The following IMMP2L variants were observed in gnomAD, a reference collection of about 807,000 sequenced individuals.
The protein encoded by IMMP2L is inner mitochondrial membrane peptidase subunit 2.
In IMMP2L, 18 loss-of-function variants were observed where a neutral mutation model predicts 19.3. The observed-to-expected ratio is 0.93, with a 90% CI of 0.64 to 1.38. The LOEUF (loss-of-function observed/expected upper bound fraction) is 1.38, where lower values mean the gene tolerates loss of function less well. IMMP2L is among the 40% of genes most tolerant of loss of function. The pLI is 0.00. For missense variants in IMMP2L, 233 were observed against 218.2 expected (o/e 1.07, Z -0.43); for synonymous variants, 76 against 73.0 (o/e 1.04, Z -0.21).
intron 3 of IMMP2L, among the ~76,000 whole-genome samples, chr7:111,313,512 TATA>T (rs1304688538): frequency 6.6e-6 from 1 of 152,164 alleles, no homozygotes; most frequent in African/African-American, 2.4e-5. Context: ...TGTTTTATGG[TATA>T]ATAATAACTG....
chr7:111,221,376 T>C (rs1192697015), intron 3 of IMMP2L, among the ~76,000 whole-genome samples: 2 of 152,144 alleles, frequency 1.3e-5, no homozygotes, highest in African/African-American at 4.8e-5. Flanking sequence ...ACTGCCAAAA[T>C]AGAAAATTTT....
At chr7:110,991,806 CCA>C (rs961073876) in intron 3 of IMMP2L, among the ~76,000 whole-genome samples, 163 of 152,224 alleles carry the variant, frequency 1.1e-3, no homozygotes, top group African/African-American at 3.6e-3. Flanking sequence ...CACATGGTTT[CCA>C]CAATAACCGT....
intron 5 of IMMP2L, among the ~76,000 whole-genome samples, chr7:110,700,875 T>C (rs536900879): frequency 6.6e-6 from 1 of 152,350 alleles, no homozygotes; most frequent in East Asian, 1.9e-4. Context: ...GTATGTATAA[T>C]TTAATTTTGT....
intron 4 of IMMP2L, among the ~76,000 whole-genome samples, chr7:110,947,442 A>G (rs764172438): frequency 5.3e-5 from 8 of 152,198 alleles, no homozygotes; most frequent in Non-Finnish European, 1.0e-4. Context: ...TAGATTTAGA[A>G]TTCAGGCTTC....
chr7:111,181,585 C>A (rs1178668607), intron 3 of IMMP2L, among the ~76,000 whole-genome samples: 2 of 151,842 alleles, frequency 1.3e-5, no homozygotes, highest in Non-Finnish European at 2.9e-5. Context: ...ACTCAAATGA[C>A]CAATAAGAGG....
chr7:110,818,955 T>C (rs1343486408), intron 5 of IMMP2L, among the ~76,000 whole-genome samples: 1 of 105,760 alleles, frequency 9.5e-6, no homozygotes, highest in Non-Finnish European at 1.8e-5. Context: ...CTCTGGGGAC[T>C]GTTGTTGGGT....
At chr7:111,419,938 A>G (rs1835325686) in intron 3 of IMMP2L, among the ~76,000 whole-genome samples, 1 of 151,800 alleles carries the variant, frequency 6.6e-6, no homozygotes, top group Non-Finnish European at 1.5e-5. Flanking sequence ...AGTGTTACAT[A>G]GTTATTGCTT....
intron 3 of IMMP2L, among the ~76,000 whole-genome samples, chr7:111,073,944 T>G (rs1422994428): frequency 6.6e-6 from 1 of 152,242 alleles, no homozygotes; most frequent in Non-Finnish European, 1.5e-5. Flanking sequence ...GTCAGTCTTC[T>G]GTTCCTCTCT....
Position 110,887,213 on chromosome 7 carries a change from C to T in IMMP2L, c.306-518G>A, listed in dbSNP as rs1316034955. ...GGAAAGAACATAATCTGAATAACTT[C>T]TTGTTAGATACAAACTATCAGTATC... On this transcript the variant is annotated intron_variant, in intron 4 of 5. Transcript: ENST00000405709. Among the ~76,000 whole-genome samples the T allele has an allele frequency of 2.0e-5, 3 of 152,026 alleles. No individual in the cohort carries two copies. The South Asian group carries it at 6.2e-4, about 31-fold the overall frequency.
At chr7:111,030,794 G>A (rs368250186) in intron 3 of IMMP2L, among the ~76,000 whole-genome samples, 1 of 150,082 alleles carries the variant, frequency 6.7e-6, no homozygotes, top group African/African-American at 2.5e-5. Flanking sequence ...ATATATATGT[G>A]TATGTGTGTA....
At chr7:111,263,725 T>C (rs1208337983) in intron 3 of IMMP2L, among the ~76,000 whole-genome samples, 1 of 152,046 alleles carries the variant, frequency 6.6e-6, no homozygotes, top group Non-Finnish European at 1.5e-5. Flanking sequence ...GCTCTAATTA[T>C]TAGAGATCAG....
At chr7:111,045,074 A>G (rs1792265432) in intron 3 of IMMP2L, among the ~76,000 whole-genome samples, 1 of 152,242 alleles carries the variant, frequency 6.6e-6, no homozygotes, top group Non-Finnish European at 1.5e-5. Context: ...CCTGCTAGGC[A>G]AAACTGCTAA....
At chr7:111,467,533 T>C (rs899052922) in intron 3 of IMMP2L, among the ~76,000 whole-genome samples, 2 of 152,198 alleles carry the variant, frequency 1.3e-5, no homozygotes, top group African/African-American at 4.8e-5. Context: ...ATGGCTGGTA[T>C]GTATATTGAA....
rs1395742945 is a variant in IMMP2L, at chr7:110,711,926, A to G, written c.409-48205T>C. Among the ~76,000 whole-genome samples the G allele has an allele frequency of 2.0e-4, 6 of 29,572 alleles. 1 individual carries two copies. Among genetic ancestry groups the G allele is most frequent in the African/African-American group, 5.5e-4 (6 of 10,942 alleles). The allele number at this position is 29,572 out of a possible 152,430, so 19.4% of individuals were successfully genotyped here. A position where few individuals can be genotyped will look rare whatever the true frequency, so the allele number is the denominator to read the frequency against. ...ATACATTCTTCTAAATTTTTTTCAA[A>G]GTTTTCAACTTCTTTGCCTTTGGTT... On this transcript the variant is annotated intron_variant, in intron 5 of 5. Transcript: ENST00000405709.
At chr7:111,469,721 A>G (rs1841036875) in intron 3 of IMMP2L, among the ~76,000 whole-genome samples, 1 of 152,200 alleles carries the variant, frequency 6.6e-6, no homozygotes, top group African/African-American at 2.4e-5. Context: ...ACAAAAATTA[A>G]TTCAACATGG....
At chr7:111,368,715 C>T (rs1333217576) in intron 3 of IMMP2L, among the ~76,000 whole-genome samples, 3 of 151,864 alleles carry the variant, frequency 2.0e-5, no homozygotes, top group African/African-American at 4.8e-5. Flanking sequence ...GTAACAACAA[C>T]GACAAATCTG....
rs1394153159 is a variant in IMMP2L, at chr7:111,465,956, A to C, written c.239+21282T>G. ...TCCAAGAATGATAGACTGGATTAAG[A>C]AAATGTGGCACATATACACCATGGA... On this transcript the variant is annotated intron_variant, in intron 3 of 5. Transcript: ENST00000405709. Among the ~76,000 whole-genome samples, 6 of 152,312 alleles carry C rather than the reference A, an allele frequency of 3.9e-5. 1 individual carries two copies. The South Asian group carries it at 1.2e-3, about 32-fold the overall frequency.
chr7:111,111,914 A>G (rs967812628), intron 3 of IMMP2L, among the ~76,000 whole-genome samples: 20 of 110,970 alleles, frequency 1.8e-4, no homozygotes, highest in Admixed American at 8.1e-4. Context: ...TTATTTATAT[A>G]TTTTATTTAT....
chr7:111,495,251 T>C (rs1843484024), intron 2 of IMMP2L, among the ~76,000 whole-genome samples: 1 of 152,140 alleles, frequency 6.6e-6, no homozygotes, highest in South Asian at 2.1e-4. Context: ...CCACACCTTG[T>C]TTTCCTCTGG....
Sources: allele counts gnomAD v4.1 joint callset (sites outside exome capture counted in the v4.1 genomes callset), GRCh38; gene constraint gnomAD v4.1.1; transcripts MANE v1.5; gene names NCBI Gene and HGNC (gene_info 2026-07-23, HGNC 2026-07-21).